The following CRLF2 variants were observed in gnomAD, a reference collection of about 807,000 sequenced individuals.
CRLF2 encodes cytokine receptor-like factor 2.
CRLF2 carries 41 observed loss-of-function variants against 38.7 expected under a neutral mutation model. The ratio of observed to expected loss-of-function variants is 1.06; its 90% CI spans 0.83 to 1.37. The LOEUF (loss-of-function observed/expected upper bound fraction) is 1.37. Among genes scored for constraint, CRLF2 ranks in the 40% most tolerant of loss-of-function variants. CRLF2 has a pLI of 0.00. For synonymous variants in CRLF2, 140 were observed against 128.8 expected (o/e 1.09, Z -0.59); for missense variants, 377 against 322.2 (o/e 1.17, Z -1.30).
At chrX:1,209,947 C>G (rs1361143275) in intron 1 of CRLF2, among the ~76,000 whole-genome samples, 49 of 151,146 alleles carry the variant, frequency 3.2e-4, no homozygotes, top group Middle Eastern at 3.4e-3. Context: ...ACTAAAAACA[C>G]AAAAAAATGA....
chrX:1,212,584 G>C lies in CRLF2; in HGVS notation c.51C>G (p.Gly17=), dbSNP rs2086824567. The change falls in exon 1 of 8, where the codon GGC becomes GGG. Residue 17 remains glycine, a synonymous_variant. Coordinates refer to ENST00000400841, the MANE Select transcript of CRLF2 (RefSeq NM_022148.4). ...CTCCTCCTTGCCCCAAAGCCATCCAGCCTCCCAGCAGAAAGACGGCAGCTC... is the reference window on the plus strand; with the variant it reads ...CTCCTCCTTGCCCCAAAGCCATCCACCCTCCCAGCAGAAAGACGGCAGCTC... ...LWGAAVFLLG[G]WMALGQGGAA... is the part of the protein sequence containing the mutation. 6 of 1,612,670 alleles carry C rather than the reference G, an allele frequency of 3.7e-6. No individual in the cohort carries two copies. The highest frequency in any genetic ancestry group is 5.1e-6 in the Non-Finnish European group (6 of 1,179,248).
rs1360908318 is a variant in CRLF2, at chrX:1,203,819, C to T, written c.350-1284G>A. 2.0e-5 allele frequency among the ~76,000 whole-genome samples: 3 copies of T among 152,072 alleles called. No individual in the cohort carries two copies. The East Asian group carries it at 5.8e-4, about 29-fold the overall frequency. On this transcript the variant is annotated intron_variant, in intron 3 of 7. Coordinates refer to ENST00000400841, the MANE Select transcript of CRLF2 (RefSeq NM_022148.4). ...CAGTTTGTGGTGACCTATTATAGCC[C>T]AGGAAACGCACCCAGTATCTGTAAG...
In CRLF2 at chrX:1,212,537, A is replaced by G; in HGVS notation, c.79+19T>C. 1 of 1,590,132 alleles carries G rather than the reference A, an allele frequency of 6.3e-7. No individual in the cohort carries two copies. Among genetic ancestry groups the G allele is most frequent in the Non-Finnish European group, 8.6e-7 (1 of 1,159,090 alleles). ...CCACAAACCAAAATACAACAAGAAG[A>G]GGGTGTTTAAATAATTACCTGCTCC... On this transcript the variant is annotated intron_variant, in intron 1 of 7. Coordinates refer to ENST00000400841, the MANE Select transcript of CRLF2 (RefSeq NM_022148.4).
rs1200668273 is a variant in CRLF2, at chrX:1,193,260, G to C, written c.810C>G (p.Ser270=). 2.8e-5 allele frequency: 11 copies of C among 398,486 alleles called. No homozygotes were observed. The highest frequency in any genetic ancestry group is 2.1e-4 in the African/African-American group (10 of 48,598). 24.7% of individuals were successfully genotyped at this position (398,486 alleles called of 1,614,324 possible). The change falls in exon 7 of 8, where the codon TCC becomes TCG. Residue 270 remains serine (S), a synonymous_variant. Coordinates refer to ENST00000400841, the MANE Select transcript of CRLF2 (RefSeq NM_022148.4). ...FLIPSVPDPK[S]IFPGLFEIHQ... The stretch of plus-strand genomic sequence containing the variant: ...GTATCTCAAAGAGCCCGGGGAAGAT[G>C]GATTTCGGGTCTGGCACGCTGGGAA...
At chrX:1,196,679 C>T in intron 6 of CRLF2, 101 bp downstream of exon 6, 1 of 1,435,952 alleles carries the variant, frequency 7.0e-7, no homozygotes, top group East Asian at 2.4e-5. Flanking sequence ...GAAACTGAGG[C>T]CCAGGGAAAT....
Position 1,192,820 on chromosome X carries a change from T to C in CRLF2, c.852+398A>G, listed in dbSNP as rs1419027694. 2.8e-5 allele frequency among the ~76,000 whole-genome samples: 4 copies of C among 141,912 alleles called. 1 individual carries two copies. The South Asian group carries it at 9.0e-4, about 32-fold the overall frequency. 93.1% of individuals were successfully genotyped at this position (141,912 alleles called of 152,430 possible). On this transcript the variant is annotated intron_variant, in intron 7 of 7. Coordinates refer to ENST00000400841, the MANE Select transcript of CRLF2 (RefSeq NM_022148.4). ...CCTCCTTCCTTCCCTTCCTTCCTTC[T>C]TTTTTTTTTTCTTGACAGAGTCTCA...
chrX:1,193,239 C>G lies in CRLF2; in HGVS notation c.831G>C (p.Glu277Asp), dbSNP rs2147820980. 2 of 398,562 alleles carry G rather than the reference C, an allele frequency of 5.0e-6. No individual in the cohort carries two copies. Among genetic ancestry groups the G allele is most frequent in the East Asian group, 3.6e-5 (1 of 28,040 alleles). The allele number at this position is 398,562 out of a possible 1,614,324, so 24.7% of individuals were successfully genotyped here. ...DPKSIFPGLF[E>D]IHQGNFQEWI... ...ATACCTGGAAGTTCCCTTGGTGTAT[C>G]TCAAAGAGCCCGGGGAAGATGGATT... The change falls in exon 7 of 8, where the codon GAG (glutamate) becomes GAC (aspartate). Residue 277 changes from glutamate (E) to aspartate (D), a missense_variant. Physicochemically the swap from Glu to Asp is conservative, Grantham distance 45. Coordinates refer to ENST00000400841, the MANE Select transcript of CRLF2 (RefSeq NM_022148.4).
intron 7 of CRLF2, among the ~76,000 whole-genome samples, chrX:1,192,725 TTTCTTTC>T (rs2086411649): frequency 1.2e-5 from 1 of 84,660 alleles, no homozygotes; most frequent in African/African-American, 6.9e-5. Flanking sequence ...TCTTTCTTTC[TTTCTTTC>T]TTTCTTTCTT....
intron 3 of CRLF2, among the ~76,000 whole-genome samples, chrX:1,202,798 A>G (rs1390755237): frequency 2.6e-5 from 4 of 152,092 alleles, no homozygotes; most frequent in Non-Finnish European, 4.4e-5. Flanking sequence ...GTCCCCCACA[A>G]AAATATATGT....
intron 1 of CRLF2, among the ~76,000 whole-genome samples, chrX:1,209,598 T>C (rs755495334): frequency 6.5e-4 from 99 of 152,184 alleles, no homozygotes; most frequent in African/African-American, 2.3e-3. Context: ...CCTAAAGTGC[T>C]GAGATTGCAG....
intron 1 of CRLF2, among the ~76,000 whole-genome samples, chrX:1,210,787 C>T (rs1314782484): frequency 2.0e-5 from 3 of 152,130 alleles, no homozygotes; most frequent in Non-Finnish European, 4.4e-5. Flanking sequence ...GTTAGACAGA[C>T]AGACACAGAT....
rs1445798390 is a variant in CRLF2 at position 1,196,775 on chromosome X, C to G, written c.767+5G>C. 1.7e-5 allele frequency: 27 copies of G among 1,613,124 alleles called. No individual in the cohort carries two copies. Among genetic ancestry groups the G allele is most frequent in the Non-Finnish European group, 2.3e-5 (27 of 1,179,464 alleles). ...CCACCCACGGGCGGCAGGAGTCATC[C>G]TTACCTCCATAATTTCCATAAAGAC... On this transcript the variant is annotated splice_donor_5th_base_variant and intron_variant, in intron 6 of 7. Coordinates refer to ENST00000400841, the MANE Select transcript of CRLF2 (RefSeq NM_022148.4).
At chrX:1,200,329 ATG>A (rs200145478) in intron 4 of CRLF2, among the ~76,000 whole-genome samples, 72,629 of 145,848 alleles carry the variant, frequency 0.5, 19,128 homozygotes, top group East Asian at 0.68. Context: ...GTGTATATAT[ATG>A]TGTGTATATA....
At chrX:1,197,426 C>T (rs1320703195) in intron 5 of CRLF2, among the ~76,000 whole-genome samples, 1 of 151,952 alleles carries the variant, frequency 6.6e-6, no homozygotes, top group Non-Finnish European at 1.5e-5. Flanking sequence ...CAACATGTAG[C>T]CTTTGGAGGC....
At chrX:1,210,868 G>T (rs1201585110) in intron 1 of CRLF2, among the ~76,000 whole-genome samples, 1 of 152,182 alleles carries the variant, frequency 6.6e-6, no homozygotes, top group African/African-American at 2.4e-5. Context: ...CAAGTGGATG[G>T]GTGGGTGGAT....
intron 4 of CRLF2, among the ~76,000 whole-genome samples, chrX:1,200,318 T>TA (rs2086579761): frequency 9.1e-6 from 1 of 110,224 alleles, no homozygotes; most frequent in Non-Finnish European, 2.0e-5. Context: ...TGCACATATG[T>TA]GTGTATATAT....
intron 6 of CRLF2, 73 bp downstream of exon 6, chrX:1,196,707 A>T: frequency 3.2e-6 from 5 of 1,565,586 alleles, no homozygotes; most frequent in Non-Finnish European, 4.3e-6. Context: ...TCAGGCGATT[A>T]ATCTTTTTTC....
At chrX:1,192,355 G>A (rs1234565259) in intron 7 of CRLF2, among the ~76,000 whole-genome samples, 2 of 152,094 alleles carry the variant, frequency 1.3e-5, no homozygotes, top group East Asian at 3.9e-4. Context: ...CAGGCGCGGT[G>A]GCTCACGCCT....
Position 1,210,045 on chromosome X carries a change from A to G in CRLF2, c.80-1137T>C, listed in dbSNP as rs753181262. On this transcript the variant is annotated intron_variant, in intron 1 of 7. Coordinates refer to ENST00000400841, the MANE Select transcript of CRLF2 (RefSeq NM_022148.4). ...CTTGAACTCAGGAGGCAGAGGTTGT[A>G]GTGAACCGAGATCGTGTCACTGCAC... is the stretch of plus-strand genomic sequence containing the variant. Among the ~76,000 whole-genome samples the G allele has an allele frequency of 2.7e-5, 4 of 150,048 alleles. No individual in the cohort carries two copies. In the South Asian group the frequency reaches 8.6e-4, roughly 32 times the overall value.
Sources: gnomAD v4.1 joint callset for allele counts (sites outside exome capture counted in the v4.1 genomes callset) on GRCh38, gnomAD v4.1.1 for gene constraint, MANE v1.5 for transcripts, NCBI Gene and HGNC (gene_info 2026-07-23, HGNC 2026-07-21) for gene names.